The following ITGA2 variants were observed in gnomAD, a reference collection of about 807,000 sequenced individuals.
ITGA2 encodes the protein integrin subunit alpha 2, also known as integrin alpha-2.
A neutral mutation model predicts 146.3 loss-of-function variants in ITGA2; 101 were observed. That is an observed-to-expected ratio of 0.69 (90% CI 0.59 to 0.81). ITGA2 has a LOEUF of 0.81. ITGA2 is among the 40% of genes least tolerant of loss of function. The probability of loss-of-function intolerance (pLI) is 0.00; values close to 1 mark genes in which losing one functional copy is unlikely to be tolerated. For synonymous variants in ITGA2, 477 were observed against 487.1 expected (o/e 0.98, Z 0.27); for missense variants, 1,281 against 1,402.7 (o/e 0.91, Z 1.39).
intron 7 of ITGA2, 54 bp from the exon 8 acceptor site, chr5:53,055,481 TCTC>T: frequency 6.6e-7 from 1 of 1,514,454 alleles, no homozygotes; most frequent in Non-Finnish European, 9.2e-7. Context: ...AACCAGAGGT[TCTC>T]ATATTAACTT....
At chr5:53,053,235 G>A (rs1421932) in intron 7 of ITGA2, among the ~76,000 whole-genome samples, 72,421 of 151,808 alleles carry the variant, frequency 0.48, 17,301 homozygotes, top group Middle Eastern at 0.52. Context: ...TGCTACTTCC[G>A]TCAACTGGTG....
chr5:53,058,590 G>C (rs1022214487), intron 10 of ITGA2, among the ~76,000 whole-genome samples: 1 of 151,772 alleles, frequency 6.6e-6, no homozygotes, highest in African/African-American at 2.4e-5. Flanking sequence ...TTCAGCTCGG[G>C]GAAGTCTATT....
At position 53,065,982 on chromosome 5, in the gene ITGA2, G is replaced by A; in HGVS notation, c.1943+5G>A. On this transcript the variant is annotated splice_donor_5th_base_variant and intron_variant, in intron 15 of 29. Coordinates refer to ENST00000296585, the MANE Select transcript of ITGA2 (RefSeq NM_002203.4). Reference sequence around the variant, plus strand: ...TGGACAAGTGGTTCAACTCTGGTGAGTCAGGAAGAGCCAGACACAAACTAA... The same window carrying A: ...TGGACAAGTGGTTCAACTCTGGTGAATCAGGAAGAGCCAGACACAAACTAA... 6.2e-7 allele frequency: 1 copy of A among 1,611,624 alleles called. No homozygotes were observed. The highest frequency in any genetic ancestry group is 8.5e-7 in the Non-Finnish European group (1 of 1,178,366).
At chr5:53,072,124 T>C (rs766007614) in intron 18 of ITGA2, 76 bp downstream of exon 18, 49 of 1,017,420 alleles carry the variant, frequency 4.8e-5, no homozygotes, top group Non-Finnish European at 6.3e-5. Context: ...GTCTGAAGGA[T>C]GGTTAGGATG....
intron 1 of ITGA2, among the ~76,000 whole-genome samples, chr5:53,015,926 CT>C (rs3212413): frequency 0.1 from 15,446 of 152,058 alleles, 972 homozygotes; most frequent in South Asian, 0.19. Context: ...TTTCACTTCT[CT>C]GTTTGCTTGA....
Position 53,094,271 on chromosome 5 carries a change from T to A in ITGA2, c.*3672T>A, listed in dbSNP as rs1740590997. 1 of 152,066 alleles carries A rather than the reference T, an allele frequency of 6.6e-6. No individual in the cohort carries two copies. The highest frequency in any genetic ancestry group is 2.1e-4 in the South Asian group (1 of 4,826). The allele number at this position is 152,066 out of a possible 1,614,324, so 9.4% of individuals were successfully genotyped here. ...GTTAATTTAAACCTCTAGAGGTGAA[T>A]GAGAAACATGGGGGAAAAGTATGAA... On this transcript the variant is annotated 3_prime_UTR_variant, in exon 30 of 30. Coordinates refer to ENST00000296585, the MANE Select transcript of ITGA2 (RefSeq NM_002203.4).
At chr5:52,993,314 C>G (rs1741066688) in intron 1 of ITGA2, among the ~76,000 whole-genome samples, 1 of 152,136 alleles carries the variant, frequency 6.6e-6, no homozygotes, top group African/African-American at 2.4e-5. Context: ...AAGCTTTGCT[C>G]TCTTAATACT....
chr5:53,002,021 G>A (rs1274522267), intron 1 of ITGA2, among the ~76,000 whole-genome samples: 1 of 151,950 alleles, frequency 6.6e-6, no homozygotes, highest in Non-Finnish European at 1.5e-5. Flanking sequence ...GAGAAAATCT[G>A]GAGTAGTGTT....
At position 53,087,173 on chromosome 5, in the gene ITGA2, G is replaced by A. The variant is rs1218855072; in HGVS notation, c.3348+132G>A. ...CTTACTAAAACTTTAAAGATCTGAT[G>A]TTTATTATGTTGAGATTTTGGCGAG... On this transcript the variant is annotated intron_variant, in intron 28 of 29. Coordinates refer to ENST00000296585, the MANE Select transcript of ITGA2 (RefSeq NM_002203.4). The A allele has an allele frequency of 4.1e-6, 3 of 726,042 alleles. No homozygotes were observed. In the African/African-American group the frequency reaches 5.2e-5, roughly 13 times the overall value. 45.0% of individuals were successfully genotyped at this position (726,042 alleles called of 1,614,324 possible).
intron 24 of ITGA2, among the ~76,000 whole-genome samples, chr5:53,079,089 C>T (rs76516162): frequency 8.6e-4 from 131 of 152,258 alleles, no homozygotes; most frequent in Middle Eastern, 3.4e-3. Context: ...GGTGGGCCTA[C>T]ACATTTGCAT....
At chr5:53,066,565 A>T (rs889711069) in intron 15 of ITGA2, among the ~76,000 whole-genome samples, 2 of 151,870 alleles carry the variant, frequency 1.3e-5, no homozygotes, top group African/African-American at 4.8e-5. Flanking sequence ...TTCAATCAAG[A>T]ATCTCCATTC....
Position 53,075,244 on chromosome 5 carries a change from CT to C in ITGA2, c.2766del (p.Asp923IlefsTer18), listed in dbSNP as rs769771727. On this transcript the variant is annotated frameshift_variant, in exon 23 of 30. Coordinates refer to ENST00000296585, the MANE Select transcript of ITGA2 (RefSeq NM_002203.4). LOFTEE classifies it high-confidence loss of function. ...ALSESQEENK[A>X]DNLVNLKIPL... ...AGTGAAAGCCAAGAAGAAAACAAGG[CT>C]GATAATTTGGTCAACCTCAAAATTC... 32 of 1,612,628 alleles carry C rather than the reference CT, an allele frequency of 2.0e-5. 1 individual carries two copies. The South Asian group carries it at 3.5e-4, about 18-fold the overall frequency.
chr5:53,044,862 A>C, intron 3 of ITGA2, 139 bp from the exon 4 acceptor site: 1 of 688,296 alleles, frequency 1.5e-6, no homozygotes, highest in South Asian at 1.6e-5. Flanking sequence ...CCCACACTTC[A>C]TTATATAACT....
intron 1 of ITGA2, among the ~76,000 whole-genome samples, chr5:53,026,511 C>G (rs1742952510): frequency 6.6e-6 from 1 of 152,176 alleles, no homozygotes; most frequent in Non-Finnish European, 1.5e-5. Flanking sequence ...TAGTAACTAT[C>G]TTCTAGCATT....
intron 28 of ITGA2, 39 bp downstream of exon 28, chr5:53,087,080 T>C (rs755780384): frequency 1.5e-6 from 2 of 1,374,920 alleles, no homozygotes; most frequent in Non-Finnish European, 2.1e-6. Flanking sequence ...CCTCAGGGTC[T>C]GTGATGGCAT....
intron 1 of ITGA2, among the ~76,000 whole-genome samples, chr5:53,015,370 G>T (rs188566851): frequency 6.6e-6 from 1 of 152,266 alleles, no homozygotes; most frequent in East Asian, 1.9e-4. Context: ...TCATTCAGGA[G>T]CAGGATGTTT....
rs1740553644 is a variant in ITGA2 at position 53,093,738 on chromosome 5, T to C, written c.*3139T>C. The C allele has an allele frequency of 6.6e-6, 1 of 152,544 alleles. No homozygotes were observed. 9.4% of individuals were successfully genotyped at this position (152,544 alleles called of 1,614,324 possible). A position where few individuals can be genotyped will look rare whatever the true frequency, so the allele number is the denominator to read the frequency against. ...TAAGTAGAGGGCATAAAAGATGTCA[T>C]ATTCAAATTTCCATTTCATAAATGG... On this transcript the variant is annotated 3_prime_UTR_variant, in exon 30 of 30. Transcript: ENST00000296585.
chr5:53,071,299 T>C (rs1201044572), intron 17 of ITGA2, among the ~76,000 whole-genome samples: 1 of 151,894 alleles, frequency 6.6e-6, no homozygotes, highest in Non-Finnish European at 1.5e-5. Flanking sequence ...CTGTGCTGAC[T>C]GGTGGATCAG....
chr5:53,047,152 A>T (rs1425031833), intron 4 of ITGA2, among the ~76,000 whole-genome samples: 1 of 152,206 alleles, frequency 6.6e-6, no homozygotes, highest in Non-Finnish European at 1.5e-5. Context: ...CCCCTTTGAC[A>T]GTTAAACTGG....
Sources: allele counts gnomAD v4.1 joint callset (sites outside exome capture counted in the v4.1 genomes callset), GRCh38; gene constraint gnomAD v4.1.1; transcripts MANE v1.5; gene names NCBI Gene and HGNC (gene_info 2026-07-23, HGNC 2026-07-21).